The following PPA1 variants were observed in gnomAD, a reference collection of about 807,000 sequenced individuals.
PPA1 encodes the protein inorganic pyrophosphatase.
A neutral mutation model predicts 41.8 loss-of-function variants in PPA1; 23 were observed. That is an observed-to-expected ratio of 0.55 (90% CI 0.40 to 0.78). The LOEUF is 0.78. PPA1 is among the 30% of genes least tolerant of loss of function. The probability of loss-of-function intolerance (pLI) is 0.00; values close to 1 mark genes in which losing one functional copy is unlikely to be tolerated. For missense variants in PPA1, 320 were observed against 361.6 expected (o/e 0.89, Z 0.93); for synonymous variants, 101 against 116.8 (o/e 0.86, Z 0.87).
At chr10:70,205,652 T>A (rs192190483) in intron 9 of PPA1, 29 of 152,262 alleles carry the variant, frequency 1.9e-4, no homozygotes, top group African/African-American at 5.5e-4. Flanking sequence ...ATTGTCCTTT[T>A]TTCCTTGTTC....
At chr10:70,225,967 T>C (rs1235062395) in intron 2 of PPA1, among the ~76,000 whole-genome samples, 1 of 152,142 alleles carries the variant, frequency 6.6e-6, no homozygotes, top group Non-Finnish European at 1.5e-5. Context: ...CAGAAAGAAA[T>C]ACGATGACCG....
At chr10:70,232,762 T>C (rs7073334) in intron 1 of PPA1, among the ~76,000 whole-genome samples, 106,833 of 151,914 alleles carry the variant, frequency 0.7, 38,860 homozygotes, top group Non-Finnish European at 0.8. Flanking sequence ...GCCTCAGTTT[T>C]CCCGTCTGTA....
At position 70,209,592 on chromosome 10, in the gene PPA1, T is replaced by G. The variant is rs1564581054; in HGVS notation, c.605A>C (p.Asn202Thr). 6.2e-7 allele frequency: 1 copy of G among 1,606,302 alleles called. No individual in the cohort carries two copies. The highest frequency in any genetic ancestry group is 1.7e-5 in the Admixed American group (1 of 57,458). Residue 202 changes from asparagine to threonine, a missense_variant, in exon 7 of 11, where the codon AAT (asparagine) becomes ACT (threonine). Physicochemically the swap from Asn to Thr is moderately conservative, Grantham distance 65. Coordinates refer to ENST00000373232, the MANE Select transcript of PPA1 (RefSeq NM_021129.4). ...AAATTCTGCATTAAACGCAAACTCA[T>G]TTTCTGGTTTTCCATCAGGAACCTT... is the stretch of plus-strand genomic sequence containing the variant. ...RYKVPDGKPE[N>T]EFAFNAEFKD... is the part of the protein sequence containing the mutation.
At position 70,221,077 on chromosome 10, in the gene PPA1, T is replaced by TAAA. The variant is rs1491245702; in HGVS notation, c.124-2261_124-2260insTTT. Reference sequence around the variant, plus strand: ...TATAATTTATATATATATATATATATTTTTTTTTTTTTTTTTTTGTAGAGA... The same window carrying TAAA: ...TATAATTTATATATATATATATATATAAATTTTTTTTTTTTTTTTTTGTAGAGA... On this transcript the variant is annotated intron_variant, in intron 2 of 10. Transcript: ENST00000373232. 5.0e-4 allele frequency among the ~76,000 whole-genome samples: 5 copies of TAAA among 9,964 alleles called. 1 individual carries two copies. Among genetic ancestry groups the TAAA allele is most frequent in the African/African-American group, 1.4e-3 (5 of 3,692 alleles). 6.5% of individuals were successfully genotyped at this position (9,964 alleles called of 152,430 possible).
chr10:70,231,738 G>A (rs79631311), intron 1 of PPA1, among the ~76,000 whole-genome samples: 2 of 152,200 alleles, frequency 1.3e-5, no homozygotes, highest in Non-Finnish European at 2.9e-5. Context: ...ACTATGTAGT[G>A]GGTTCTAATT....
chr10:70,217,815 A>T lies in PPA1; in HGVS notation c.294T>A (p.Pro98=). Residue 98 remains proline (P), a synonymous_variant, in exon 4 of 11, where the codon CCT becomes CCA. Transcript: ENST00000373232. The part of the protein sequence containing the change: ...KGYIWNYGAI[P]QTWEDPGHND... ...CAGCAGTTGCATGAAGACATACCTGAGGGATGGCACCATAGTTCCAGATAT... is the reference window on the plus strand; with the variant it reads ...CAGCAGTTGCATGAAGACATACCTGTGGGATGGCACCATAGTTCCAGATAT... 2 of 1,567,248 alleles carry T rather than the reference A, an allele frequency of 1.3e-6. No individual in the cohort carries two copies. The highest frequency in any genetic ancestry group is 1.7e-6 in the Non-Finnish European group (2 of 1,154,516).
intron 1 of PPA1, among the ~76,000 whole-genome samples, chr10:70,231,939 A>T (rs1840293733): frequency 6.6e-6 from 1 of 152,248 alleles, no homozygotes; most frequent in Non-Finnish European, 1.5e-5. Context: ...CCTTCAAACC[A>T]GACAGTCACC....
chr10:70,213,718 G>A, intron 5 of PPA1, 129 bp from the exon 6 acceptor site: 2 of 1,164,636 alleles, frequency 1.7e-6, no homozygotes, highest in African/African-American at 3.1e-5. Flanking sequence ...GTTCCTTTAA[G>A]CAAATTTTAA....
intron 2 of PPA1, among the ~76,000 whole-genome samples, chr10:70,220,253 CTTT>C (rs33951004): frequency 2.1e-4 from 25 of 119,888 alleles, no homozygotes; most frequent in Admixed American, 1.9e-4. Flanking sequence ...ATAAAAAGTA[CTTT>C]TTTTTTTTTT....
chr10:70,223,170 A>T (rs1840194328), intron 2 of PPA1, among the ~76,000 whole-genome samples: 1 of 151,818 alleles, frequency 6.6e-6, no homozygotes, highest in South Asian at 2.1e-4. Flanking sequence ...TTCAAGACCA[A>T]CCTGACCAAC....
intron 2 of PPA1, among the ~76,000 whole-genome samples, chr10:70,222,928 C>T (rs566196555): frequency 4.7e-5 from 7 of 148,956 alleles, no homozygotes; most frequent in Non-Finnish European, 8.9e-5. Flanking sequence ...GTGAGAAATG[C>T]GGTGTTTGGT....
At chr10:70,221,028 A>ATT (rs1491421224) in intron 2 of PPA1, among the ~76,000 whole-genome samples, 1 of 68,634 alleles carries the variant, frequency 1.5e-5, no homozygotes, top group African/African-American at 7.3e-5. Flanking sequence ...TATATATATA[A>ATT]TATATATATA....
At chr10:70,231,832 T>C (rs1840292727) in intron 1 of PPA1, among the ~76,000 whole-genome samples, 1 of 152,142 alleles carries the variant, frequency 6.6e-6, no homozygotes, top group Non-Finnish European at 1.5e-5. Flanking sequence ...GTAGCTTTGG[T>C]CTCCCATAAC....
intron 6 of PPA1, 130 bp downstream of exon 6, chr10:70,213,333 T>C (rs560509448): frequency 9.2e-7 from 1 of 1,085,826 alleles, no homozygotes; most frequent in African/African-American, 1.6e-5. Context: ...AAATAATGCT[T>C]GTCCAGTGCT....
chr10:70,233,176 G>A, intron 1 of PPA1, 88 bp downstream of exon 1: 4 of 1,409,998 alleles, frequency 2.8e-6, no homozygotes, highest in Non-Finnish European at 2.8e-6. Flanking sequence ...ACCTGGGGCC[G>A]AGCGCGGGCC....
At chr10:70,217,786 T>C (rs747934077) in intron 4 of PPA1, 26 bp downstream of exon 4, 8 of 1,504,256 alleles carry the variant, frequency 5.3e-6, no homozygotes, top group African/African-American at 1.4e-5. Context: ...AAAAAGTACA[T>C]TGTCAGCAGT....
intron 2 of PPA1, among the ~76,000 whole-genome samples, chr10:70,219,914 A>G (rs1840118301): frequency 6.6e-6 from 1 of 152,088 alleles, no homozygotes; most frequent in Non-Finnish European, 1.5e-5. Context: ...TTCAGTTTTT[A>G]GCCTCTACAA....
In PPA1 at chr10:70,217,920, C is replaced by T. The variant is rs1285469216; in HGVS notation, c.189G>A (p.Lys63=). Reference sequence around the variant, plus strand: ...CTTGTTTAATAGGGTTTAAAGGGTCCTTTGTAGCAATCTGAAATAAGAAAA... The same window carrying T: ...CTTGTTTAATAGGGTTTAAAGGGTCTTTTGTAGCAATCTGAAATAAGAAAA... ...WSNAKMEIAT[K]DPLNPIKQDV... Residue 63 remains lysine (K), a synonymous_variant, in exon 4 of 11, where the codon AAG becomes AAA. Coordinates refer to ENST00000373232, the MANE Select transcript of PPA1 (RefSeq NM_021129.4). The T allele has an allele frequency of 6.4e-7, 1 of 1,560,838 alleles. No individual in the cohort carries two copies. Among genetic ancestry groups the T allele is most frequent in the Admixed American group, 2.0e-5 (1 of 51,106 alleles).
At chr10:70,214,642 G>C in intron 4 of PPA1, 56 bp from the exon 5 acceptor site, 1 of 1,384,312 alleles carries the variant, frequency 7.2e-7, no homozygotes, top group East Asian at 2.3e-5. Flanking sequence ...AATGGATCAT[G>C]TTGAGAATAA....
Sources: allele counts gnomAD v4.1 joint callset (sites outside exome capture counted in the v4.1 genomes callset), GRCh38; gene constraint gnomAD v4.1.1; transcripts MANE v1.5; gene names NCBI Gene and HGNC (gene_info 2026-07-23, HGNC 2026-07-21).